The following STK33 variants were observed in gnomAD, a reference collection of about 807,000 sequenced individuals.
STK33 encodes the protein serine/threonine-protein kinase 33.
STK33 carries 52 observed loss-of-function variants against 58.0 expected under a neutral mutation model. That is an observed-to-expected ratio of 0.90 (90% CI 0.72 to 1.13). The LOEUF is 1.13. Ranked by LOEUF, STK33 falls within the 50% of genes most tolerant of loss-of-function variation. The pLI is 0.00. For missense variants in STK33, 630 were observed against 604.2 expected (o/e 1.04, Z -0.45); for synonymous variants, 215 against 200.1 (o/e 1.07, Z -0.63).
intron 2 of STK33, among the ~76,000 whole-genome samples, chr11:8,478,959 C>T (rs144593073): frequency 4.1e-4 from 62 of 152,238 alleles, no homozygotes; most frequent in African/African-American, 1.4e-3. Context: ...AAAGGATTTA[C>T]AGTATATTTA....
chr11:8,593,379 CG>C (rs370549786), intron 1 of STK33, among the ~76,000 whole-genome samples: 51 of 152,214 alleles, frequency 3.4e-4, no homozygotes, highest in African/African-American at 1.1e-3. Context: ...TGATATGGGA[CG>C]GGGAGCACCA....
intron 15 of STK33, among the ~76,000 whole-genome samples, chr11:8,394,723 T>A (rs1449553510): frequency 6.6e-6 from 1 of 152,160 alleles, no homozygotes. Context: ...GGATACAATA[T>A]CTTGAGATCA....
intron 1 of STK33, among the ~76,000 whole-genome samples, chr11:8,520,141 C>G (rs1461067534): frequency 6.6e-6 from 1 of 152,156 alleles, no homozygotes; most frequent in Non-Finnish European, 1.5e-5. Flanking sequence ...AAAGCTTATC[C>G]ACCATGATCA....
chr11:8,517,734 G>A (rs1016626728), intron 1 of STK33, among the ~76,000 whole-genome samples: 2 of 152,280 alleles, frequency 1.3e-5, no homozygotes, highest in East Asian at 1.9e-4. Context: ...GGAGGAAAGG[G>A]TATCAGTGAT....
intron 1 of STK33, among the ~76,000 whole-genome samples, chr11:8,520,707 A>G (rs1159670863): frequency 5.1e-5 from 7 of 136,556 alleles, no homozygotes; most frequent in African/African-American, 7.4e-5. Context: ...ATAACAGACA[A>G]ACAGACAGCC....
chr11:8,448,024 C>G (rs1004845935), intron 11 of STK33, among the ~76,000 whole-genome samples: 1 of 152,148 alleles, frequency 6.6e-6, no homozygotes, highest in Admixed American at 6.5e-5. Context: ...TAGTGAACTC[C>G]CATTCACAAT....
chr11:8,404,506 T>C (rs1836631267), intron 15 of STK33, among the ~76,000 whole-genome samples: 1 of 152,208 alleles, frequency 6.6e-6, no homozygotes, highest in South Asian at 2.1e-4. Flanking sequence ...CTAAACTTCA[T>C]ATACATGAAA....
chr11:8,489,491 T>C (rs2138586753), intron 1 of STK33, among the ~76,000 whole-genome samples: 1 of 152,298 alleles, frequency 6.6e-6, no homozygotes, highest in South Asian at 2.1e-4. Flanking sequence ...CACTAGCACC[T>C]GGTGAATATC....
chr11:8,423,419 G>A (rs990054620), intron 14 of STK33, among the ~76,000 whole-genome samples: 2 of 151,624 alleles, frequency 1.3e-5, no homozygotes, highest in Non-Finnish European at 2.9e-5. Flanking sequence ...CCAAGTTTTG[G>A]TATGTTGTAT....
the STK33 span, among the ~76,000 whole-genome samples, chr11:8,353,285 A>G: frequency 2.6e-5 from 4 of 152,222 alleles, no homozygotes; most frequent in African/African-American, 9.6e-5. Flanking sequence ...CTGTGGCCAC[A>G]CCCAGTCAAT....
At chr11:8,493,772 G>C (rs996618646) in intron 1 of STK33, among the ~76,000 whole-genome samples, 5 of 152,118 alleles carry the variant, frequency 3.3e-5, no homozygotes, top group Admixed American at 6.5e-5. Context: ...CTTCATCCCT[G>C]GGATGCAAGA....
chr11:8,356,426 C>T, the STK33 span, among the ~76,000 whole-genome samples: 32 of 152,088 alleles, frequency 2.1e-4, no homozygotes, highest in African/African-American at 7.5e-4. Context: ...CCCTGCCCTG[C>T]GAGGGAGGAC....
At chr11:8,409,086 C>G (rs1939765630) in intron 15 of STK33, among the ~76,000 whole-genome samples, 1 of 152,208 alleles carries the variant, frequency 6.6e-6, no homozygotes, top group Admixed American at 6.5e-5. Context: ...CAAGGGTCAA[C>G]CTTGCAAATA....
chr11:8,358,579 G>A, the STK33 span, among the ~76,000 whole-genome samples: 1 of 152,176 alleles, frequency 6.6e-6, no homozygotes, highest in Non-Finnish European at 1.5e-5. Flanking sequence ...TGGTTGTAGA[G>A]GTCATCCAGG....
intron 1 of STK33, among the ~76,000 whole-genome samples, chr11:8,505,404 G>A (rs1263365612): frequency 6.6e-6 from 1 of 152,194 alleles, no homozygotes; most frequent in Non-Finnish European, 1.5e-5. Context: ...TTCTCGGACA[G>A]ATGTCAATTT....
chr11:8,546,398 T>C (rs939731955), intron 1 of STK33, among the ~76,000 whole-genome samples: 5 of 152,216 alleles, frequency 3.3e-5, no homozygotes, highest in Admixed American at 2.6e-4. Context: ...TCAGGGTAAT[T>C]AGGCTATCCA....
At chr11:8,360,753 G>A in the STK33 span, among the ~76,000 whole-genome samples, 1 of 152,230 alleles carries the variant, frequency 6.6e-6, no homozygotes, top group East Asian at 1.9e-4. Flanking sequence ...GAGGCCGCCT[G>A]CATTCCTTGT....
chr11:8,467,140 C>G (rs1427940609), intron 6 of STK33: 2 of 152,204 alleles, frequency 1.3e-5, no homozygotes, highest in Non-Finnish European at 2.9e-5. Flanking sequence ...ACATTTTTCT[C>G]ATTGTCTTGG....
intron 15 of STK33, among the ~76,000 whole-genome samples, chr11:8,410,402 T>G (rs16938066): frequency 0.045 from 6,764 of 151,794 alleles, 179 homozygotes; most frequent in East Asian, 0.081. Context: ...CTATAACAAC[T>G]AGGTTTTCAG....
Sources: allele counts gnomAD v4.1 joint callset (sites outside exome capture counted in the v4.1 genomes callset), GRCh38; gene constraint gnomAD v4.1.1; transcripts MANE v1.5; gene names NCBI Gene and HGNC (gene_info 2026-07-23, HGNC 2026-07-21).